The following MAPKAP1 variants were observed in gnomAD, a reference collection of about 807,000 sequenced individuals.
The protein encoded by MAPKAP1 is target of rapamycin complex 2 subunit MAPKAP1.
Under a neutral mutation model 65.7 loss-of-function variants are expected in MAPKAP1, and 20 were observed. That is an observed-to-expected ratio of 0.30 (90% confidence interval 0.21 to 0.44). The LOEUF is 0.44. MAPKAP1 is among the 20% of genes least tolerant of loss of function. The pLI, the probability that MAPKAP1 is intolerant of heterozygous loss-of-function variation, is 1.00. For synonymous variants in MAPKAP1, 222 were observed against 244.3 expected (o/e 0.91, Z 0.85); for missense variants, 423 against 648.0 (o/e 0.65, Z 3.77).
intron 9 of MAPKAP1, among the ~76,000 whole-genome samples, chr9:125,482,160 GA>G (rs1854345296): frequency 2.9e-5 from 4 of 139,082 alleles, no homozygotes; most frequent in Admixed American, 7.1e-5. Flanking sequence ...AGAAGAAGAA[GA>G]AAGAAAGTGT....
At chr9:125,546,777 CCA>C (rs1239495606) in intron 6 of MAPKAP1, among the ~76,000 whole-genome samples, 2 of 152,278 alleles carry the variant, frequency 1.3e-5, no homozygotes, top group Non-Finnish European at 2.9e-5. Flanking sequence ...GGCACACGCT[CCA>C]GTCTCTGGGT....
At chr9:125,637,353 T>C (rs919744017) in intron 4 of MAPKAP1, among the ~76,000 whole-genome samples, 7 of 151,822 alleles carry the variant, frequency 4.6e-5, no homozygotes, top group Non-Finnish European at 2.9e-5. Context: ...AGATAAAAGG[T>C]GGTTCAAGTA....
At chr9:125,469,171 T>C (rs748919541) in intron 9 of MAPKAP1, among the ~76,000 whole-genome samples, 2 of 151,716 alleles carry the variant, frequency 1.3e-5, no homozygotes, top group Admixed American at 1.3e-4. Flanking sequence ...AGGGTCAAAG[T>C]GAAAAAAAGC....
chr9:125,643,137 T>G (rs1833626495), intron 4 of MAPKAP1, among the ~76,000 whole-genome samples: 1 of 151,448 alleles, frequency 6.6e-6, no homozygotes, highest in Non-Finnish European at 1.5e-5. Context: ...TGACCTCAGG[T>G]GATCTGCCAG....
At chr9:125,616,092 T>C (rs1341658608) in intron 4 of MAPKAP1, among the ~76,000 whole-genome samples, 1 of 152,032 alleles carries the variant, frequency 6.6e-6, no homozygotes, top group Non-Finnish European at 1.5e-5. Flanking sequence ...ATAGGGAAAT[T>C]TGATATATGA....
At chr9:125,571,793 G>A (rs1831240681) in intron 5 of MAPKAP1, among the ~76,000 whole-genome samples, 1 of 152,124 alleles carries the variant, frequency 6.6e-6, no homozygotes, top group Non-Finnish European at 1.5e-5. Context: ...AACCTGGGAG[G>A]CAGAGATTGC....
intron 8 of MAPKAP1, among the ~76,000 whole-genome samples, chr9:125,491,660 A>G (rs1854733675): frequency 1.3e-5 from 2 of 151,678 alleles, no homozygotes; most frequent in Admixed American, 1.3e-4. Flanking sequence ...GTGCTCCGAT[A>G]GGCCCAGCTA....
At chr9:125,513,512 T>C (rs1357793063) in intron 7 of MAPKAP1, among the ~76,000 whole-genome samples, 1 of 152,206 alleles carries the variant, frequency 6.6e-6, no homozygotes, top group East Asian at 1.9e-4. Flanking sequence ...CTGGTGTTTG[T>C]GCCATGAGAG....
At chr9:125,554,794 C>CAAAAAAAAAAAAAAAAA (rs56911891) in intron 6 of MAPKAP1, among the ~76,000 whole-genome samples, 5 of 65,640 alleles carry the variant, frequency 7.6e-5, no homozygotes, top group African/African-American at 1.9e-4. Context: ...AGACACTTAT[C>CAAAAAAAAAAAAAAAAA]AAAAAAAAAA....
intron 9 of MAPKAP1, among the ~76,000 whole-genome samples, chr9:125,469,110 C>A (rs1853799589): frequency 6.6e-6 from 1 of 151,798 alleles, no homozygotes; most frequent in South Asian, 2.1e-4. Context: ...TATAGTGGGC[C>A]CCATATGGAA....
At position 125,585,658 on chromosome 9, in the gene MAPKAP1, G is replaced by T. The variant is rs1377252719; in HGVS notation, c.568C>A (p.Leu190Met). Residue 190 changes from leucine (L) to methionine (M), a missense_variant, in exon 5 of 12, where the codon CTG (leucine) becomes ATG (methionine). This residue lies in a region of MAPKAP1 where 98 missense variants were observed against 200.5 expected (regional missense o/e 0.49). Transcript: ENST00000265960. ...YLPLHSSQDR[L>M]LPMTVVTMAS... ...ATTGTCACCACGGTCATTGGCAGCA[G>T]TCTGTCCTGGCTCGAGTGCAGAGGG... 6.2e-7 allele frequency: 1 copy of T among 1,614,144 alleles called. No individual in the cohort carries two copies. The highest frequency in any genetic ancestry group is 8.5e-7 in the Non-Finnish European group (1 of 1,180,062).
In MAPKAP1 at chr9:125,693,706, T is replaced by TACACATATATACACGTATATAC. The variant is rs1564620280; in HGVS notation, c.-70+13243_-70+13264dup. Among the ~76,000 whole-genome samples, 49 of 102,030 alleles carry TACACATATATACACGTATATAC rather than the reference T, an allele frequency of 4.8e-4. 1 individual carries two copies. In the South Asian group the frequency reaches 0.012, roughly 25 times the overall value. 66.9% of individuals were successfully genotyped at this position (102,030 alleles called of 152,430 possible). On this transcript the variant is annotated intron_variant, in intron 1 of 11. Coordinates refer to ENST00000265960, the MANE Select transcript of MAPKAP1 (RefSeq NM_001006617.3). The stretch of plus-strand genomic sequence containing the variant: ...ATACACGTATATATACACGTATATA[T>TACACATATATACACGTATATAC]ACACATATATACACGTATATACACA...
intron 7 of MAPKAP1, among the ~76,000 whole-genome samples, chr9:125,535,200 G>A (rs1308380024): frequency 1.3e-5 from 2 of 152,122 alleles, no homozygotes; most frequent in African/African-American, 4.8e-5. Context: ...CTCAAAACAT[G>A]TTGTCTCTTC....
At chr9:125,690,533 G>T (rs578130361) in intron 1 of MAPKAP1, among the ~76,000 whole-genome samples, 1 of 152,184 alleles carries the variant, frequency 6.6e-6, no homozygotes, top group Non-Finnish European at 1.5e-5. Flanking sequence ...TCTGTAAATG[G>T]AAGTAAGTTC....
intron 9 of MAPKAP1, among the ~76,000 whole-genome samples, chr9:125,481,246 T>C (rs1854304589): frequency 6.6e-6 from 1 of 152,156 alleles, no homozygotes; most frequent in African/African-American, 2.4e-5. Context: ...CTCTAATGAA[T>C]TAAAGTTTGT....
At chr9:125,524,423 T>C (rs1272697215) in intron 7 of MAPKAP1, among the ~76,000 whole-genome samples, 1 of 152,278 alleles carries the variant, frequency 6.6e-6, no homozygotes, top group Non-Finnish European at 1.5e-5. Context: ...AACTATTTCT[T>C]AATACATTAA....
chr9:125,560,575 A>ACC (rs2131506828), intron 5 of MAPKAP1, among the ~76,000 whole-genome samples: 1 of 152,212 alleles, frequency 6.6e-6, no homozygotes, highest in East Asian at 1.9e-4. Context: ...CAGAGTTAAG[A>ACC]CCCTGTCTCA....
At chr9:125,652,248 TG>T in intron 4 of MAPKAP1, 1 of 1,276,848 alleles carries the variant, frequency 7.8e-7, no homozygotes, top group Non-Finnish European at 1.0e-6. Context: ...CGACATAGAC[TG>T]GAACAATGCT....
intron 4 of MAPKAP1, among the ~76,000 whole-genome samples, chr9:125,639,311 C>G (rs1369476965): frequency 6.6e-6 from 1 of 152,162 alleles, no homozygotes; most frequent in African/African-American, 2.4e-5. Context: ...AAATTGCAGA[C>G]TCCCCACTTC....
Sources: gnomAD v4.1 joint callset for allele counts (sites outside exome capture counted in the v4.1 genomes callset) on GRCh38, gnomAD v4.1.1 for gene constraint, gnomAD v4.1.1 regional missense constraint, MANE v1.5 for transcripts, NCBI Gene and HGNC (gene_info 2026-07-23, HGNC 2026-07-21) for gene names.